The following PLEKHD1 variants were observed in gnomAD, a reference collection of about 807,000 sequenced individuals.
PLEKHD1 encodes pleckstrin homology domain-containing family D member 1.
Under a neutral mutation model 69.2 loss-of-function variants are expected in PLEKHD1, and 51 were observed. The ratio of observed to expected loss-of-function variants is 0.74; its 90% CI spans 0.59 to 0.93. PLEKHD1 has a LOEUF of 0.93. Among genes scored for constraint, PLEKHD1 ranks in the 40% least tolerant of loss-of-function variants. The pLI, the probability that PLEKHD1 is intolerant of heterozygous loss-of-function variation, is 0.00. For missense variants in PLEKHD1, 584 were observed against 641.0 expected, an observed-to-expected ratio of 0.91 and a Z score of 0.96; for synonymous variants, 236 against 244.7, an observed-to-expected ratio of 0.96 and a Z score of 0.33.
intron 1 of PLEKHD1, among the ~76,000 whole-genome samples, chr14:69,486,366 C>G (rs554796258): frequency 7.9e-5 from 12 of 152,302 alleles, no homozygotes; most frequent in Admixed American, 7.8e-4. Context: ...TTGCTTCTGA[C>G]AGGTTTCTCT....
chr14:69,503,382 C>T (rs1289641460), intron 6 of PLEKHD1: 2 of 170,118 alleles, frequency 1.2e-5, no homozygotes, highest in African/African-American at 4.8e-5. Flanking sequence ...CACCGAAGCC[C>T]TCTTCTTCAT....
chr14:69,474,740 G>A, the PLEKHD1 span, among the ~76,000 whole-genome samples: 19 of 152,182 alleles, frequency 1.2e-4, no homozygotes, highest in African/African-American at 4.3e-4. Context: ...TTGCTCCACC[G>A]GGTGTGCGGA....
intron 1 of PLEKHD1, among the ~76,000 whole-genome samples, chr14:69,497,442 G>T (rs1882913129): frequency 6.6e-6 from 1 of 152,280 alleles, no homozygotes; most frequent in Non-Finnish European, 1.5e-5. Context: ...GCATACATGG[G>T]ATGTGGCAGT....
intron 1 of PLEKHD1, among the ~76,000 whole-genome samples, chr14:69,489,981 C>G (rs1460040806): frequency 2.0e-5 from 3 of 152,162 alleles, no homozygotes; most frequent in Admixed American, 6.5e-5. Flanking sequence ...ATTCTCATAC[C>G]TCAGCCTCCC....
At chr14:69,521,910 C>T (rs558807699) in intron 6 of PLEKHD1, among the ~76,000 whole-genome samples, 9 of 152,352 alleles carry the variant, frequency 5.9e-5, no homozygotes, top group Admixed American at 5.2e-4. Flanking sequence ...ACACTCACCA[C>T]TCTTTCCTCC....
Position 69,528,525 on chromosome 14 carries a change from G to A in PLEKHD1, c.*106G>A. ...ACCAGCTCCTGGCCTCTCTGGTCTG[G>A]AGCCTATGTCTCCTCTGGGCCGGAG... On this transcript the variant is annotated 3_prime_UTR_variant, in exon 13 of 13. Coordinates refer to ENST00000322564, the MANE Select transcript of PLEKHD1 (RefSeq NM_001161498.2). 7.2e-7 allele frequency: 1 copy of A among 1,389,070 alleles called. No homozygotes were observed. The highest frequency in any genetic ancestry group is 2.5e-5 in the East Asian group (1 of 40,074). 86.0% of individuals were successfully genotyped at this position (1,389,070 alleles called of 1,614,324 possible). A position where few individuals can be genotyped will look rare whatever the true frequency, so the allele number is the denominator to read the frequency against.
At chr14:69,489,441 C>T (rs1051277640) in intron 1 of PLEKHD1, among the ~76,000 whole-genome samples, 1 of 150,874 alleles carries the variant, frequency 6.6e-6, no homozygotes, top group African/African-American at 2.4e-5. Context: ...TGCCTGTAAT[C>T]CCAGCTACTC....
chr14:69,478,104 A>G, the PLEKHD1 span, among the ~76,000 whole-genome samples: 1 of 152,232 alleles, frequency 6.6e-6, no homozygotes, highest in Non-Finnish European at 1.5e-5. Context: ...CCAAACCTCA[A>G]TTCTTGACTT....
rs766867029 is a variant in PLEKHD1 at position 69,525,931 on chromosome 14, C to T, written c.745-13C>T. 6.5e-7 allele frequency: 1 copy of T among 1,541,378 alleles called. No homozygotes were observed. Among genetic ancestry groups the T allele is most frequent in the South Asian group, 1.2e-5 (1 of 82,158 alleles). Reference sequence around the variant, plus strand: ...AATTGGGCTTTTCTTTTCCTTGCCTCCCTCCATGCCAGGAACTCTCCATAG... The same window carrying T: ...AATTGGGCTTTTCTTTTCCTTGCCTTCCTCCATGCCAGGAACTCTCCATAG... On this transcript the variant is annotated splice_polypyrimidine_tract_variant and intron_variant, in intron 8 of 12. Coordinates refer to ENST00000322564, the MANE Select transcript of PLEKHD1 (RefSeq NM_001161498.2).
At chr14:69,489,961 G>A (rs916967301) in intron 1 of PLEKHD1, among the ~76,000 whole-genome samples, 26 of 152,168 alleles carry the variant, frequency 1.7e-4, no homozygotes, top group Non-Finnish European at 3.4e-4. Context: ...CTGCCTCCCA[G>A]GTTCAAGGAA....
At chr14:69,514,055 C>T (rs1883328488) in intron 6 of PLEKHD1, among the ~76,000 whole-genome samples, 1 of 151,854 alleles carries the variant, frequency 6.6e-6, no homozygotes, top group Non-Finnish European at 1.5e-5. Flanking sequence ...TATGAAATTT[C>T]TAGATATGGT....
the PLEKHD1 span, among the ~76,000 whole-genome samples, chr14:69,470,258 T>C: frequency 3.4e-5 from 5 of 148,726 alleles, no homozygotes; most frequent in Non-Finnish European, 7.5e-5. Flanking sequence ...AGGTCAGGAG[T>C]TCAAGACCAA....
At position 69,485,008 on chromosome 14, in the gene PLEKHD1, C is replaced by G; in HGVS notation, c.43C>G (p.Leu15Val). 1.9e-6 allele frequency: 3 copies of G among 1,551,274 alleles called. No individual in the cohort carries two copies. The South Asian group carries it at 3.6e-5, about 18-fold the overall frequency. ...CAACTCGGTGTCGCCCTCGCCGTCC[C>G]TGGAGCAGGCTGACTCGGACGCCCT... ...KSNSVSPSPS[L>V]EQADSDALDI... is the part of the protein sequence containing the mutation. Residue 15 changes from leucine (L) to valine (V), a missense_variant, in exon 1 of 13, where the codon CTG becomes GTG. Coordinates refer to ENST00000322564, the MANE Select transcript of PLEKHD1 (RefSeq NM_001161498.2).
chr14:69,502,894 AG>A lies in PLEKHD1; in HGVS notation c.555+19del. The A allele has an allele frequency of 6.4e-7, 1 of 1,551,570 alleles. No individual in the cohort carries two copies. Among genetic ancestry groups the A allele is most frequent in the South Asian group, 1.2e-5 (1 of 84,062 alleles). On this transcript the variant is annotated intron_variant, in intron 6 of 12. Coordinates refer to ENST00000322564, the MANE Select transcript of PLEKHD1 (RefSeq NM_001161498.2). ...AGCAGAGAGAGGTAGGTGCACACCAAGGGGCTCTCAGCAGCCGTGGTGTAAT... is the reference window on the plus strand; with the variant it reads ...AGCAGAGAGAGGTAGGTGCACACCAAGGGCTCTCAGCAGCCGTGGTGTAAT...
At chr14:69,508,758 T>C (rs1883207606) in intron 6 of PLEKHD1, among the ~76,000 whole-genome samples, 1 of 152,126 alleles carries the variant, frequency 6.6e-6, no homozygotes, top group Non-Finnish European at 1.5e-5. Flanking sequence ...GCAAAAGAGA[T>C]AGTGAGAAAG....
At chr14:69,510,456 G>A (rs969111657) in intron 6 of PLEKHD1, among the ~76,000 whole-genome samples, 3 of 151,870 alleles carry the variant, frequency 2.0e-5, no homozygotes, top group Admixed American at 6.6e-5. Flanking sequence ...AATGTCAATG[G>A]TAATGTGTTG....
At chr14:69,486,178 C>T (rs1003420702) in intron 1 of PLEKHD1, among the ~76,000 whole-genome samples, 3 of 152,234 alleles carry the variant, frequency 2.0e-5, no homozygotes, top group African/African-American at 7.2e-5. Context: ...CTCTATGAGT[C>T]TGCCCCTGAG....
intron 6 of PLEKHD1, among the ~76,000 whole-genome samples, chr14:69,511,632 C>A (rs1477266941): frequency 1.3e-5 from 2 of 152,116 alleles, no homozygotes; most frequent in Non-Finnish European, 2.9e-5. Context: ...TCACTGCAAC[C>A]TCCTCCTGCC....
chr14:69,484,462 G>GGT (rs747703065), upstream of PLEKHD1, among the ~76,000 whole-genome samples: 936 of 152,286 alleles, frequency 6.1e-3, 4 homozygotes, highest in Non-Finnish European at 8.3e-3. Context: ...ACCCCGGGGT[G>GGT]GTGTTGGGCG....
Sources: gnomAD v4.1 joint callset for allele counts (sites outside exome capture counted in the v4.1 genomes callset) on GRCh38, gnomAD v4.1.1 for gene constraint, MANE v1.5 for transcripts, NCBI Gene and HGNC (gene_info 2026-07-23, HGNC 2026-07-21) for gene names.